Variants in PALM2AKAP2 observed in about 807,000 individuals in gnomAD.
PALM2AKAP2 encodes the protein PALM2-AKAP2 fusion protein.
Under a neutral mutation model 71.5 loss-of-function variants are expected in PALM2AKAP2, and 37 were observed. That is an observed-to-expected ratio of 0.52 (90% confidence interval 0.40 to 0.68). The LOEUF (loss-of-function observed/expected upper bound fraction) is 0.68. Ranked by LOEUF, PALM2AKAP2 falls within the 30% of genes least tolerant of loss-of-function variation. PALM2AKAP2 has a pLI of 0.00. For synonymous variants in PALM2AKAP2, 468 were observed against 478.8 expected (o/e 0.98, Z 0.29); for missense variants, 1,224 against 1,191.8 (o/e 1.03, Z -0.40).
At chr9:109,702,894 C>T (rs914545195) in intron 1 of PALM2AKAP2, among the ~76,000 whole-genome samples, 6 of 151,484 alleles carry the variant, frequency 4.0e-5, no homozygotes, top group East Asian at 3.9e-4. Context: ...TCTTGGTTCA[C>T]GGCAACCTCC....
intron 1 of PALM2AKAP2, among the ~76,000 whole-genome samples, chr9:109,821,665 A>G (rs996192225): frequency 1.3e-5 from 2 of 152,208 alleles, no homozygotes. Context: ...ATAGAACCCC[A>G]GCAAATTGAC....
At chr9:110,091,540 G>A (rs1197780573) in intron 1 of PALM2AKAP2, among the ~76,000 whole-genome samples, 2 of 137,180 alleles carry the variant, frequency 1.5e-5, no homozygotes, top group East Asian at 4.2e-4. Context: ...TCCGCTCACT[G>A]CAATCTCTAC....
At chr9:109,900,938 T>C (rs1185356426) in intron 3 of PALM2AKAP2, among the ~76,000 whole-genome samples, 2 of 152,212 alleles carry the variant, frequency 1.3e-5, no homozygotes, top group African/African-American at 4.8e-5. Flanking sequence ...AAGTAAAAGG[T>C]AAATCAAATT....
chr9:109,976,626 A>G (rs1832177313), intron 6 of PALM2AKAP2, among the ~76,000 whole-genome samples: 1 of 152,234 alleles, frequency 6.6e-6, no homozygotes, highest in Admixed American at 6.5e-5. Flanking sequence ...CCCTAGGCCC[A>G]TGTGTTGCCC....
chr9:110,151,883 G>A (rs559221127), intron 2 of PALM2AKAP2, among the ~76,000 whole-genome samples: 45 of 152,316 alleles, frequency 3.0e-4, no homozygotes, highest in Middle Eastern at 3.4e-3. Context: ...CCTGCCCTGA[G>A]GTCTACATGG....
chr9:110,103,372 C>G (rs1384404438), intron 1 of PALM2AKAP2, among the ~76,000 whole-genome samples: 3 of 152,214 alleles, frequency 2.0e-5, no homozygotes, highest in African/African-American at 4.8e-5. Context: ...CTCATAGTCA[C>G]TGCATAGCTT....
In PALM2AKAP2 at chr9:110,108,077, A is replaced by ATT. The variant is rs34788989; in HGVS notation, c.157-28039_157-28038dup. On this transcript the variant is annotated intron_variant, in intron 1 of 3. Coordinates refer to ENST00000374525, the Ensembl canonical transcript of PALM2AKAP2. ...GCATACATTAAGCTATTTTGCTGTT[A>ATT]TTTTTTTTTTTTGCTTTGTGCCTTT... Among the ~76,000 whole-genome samples the ATT allele has an allele frequency of 6.3e-3, 764 of 122,066 alleles. 11 individuals carry two copies. The highest frequency in any genetic ancestry group is 0.018 in the African/African-American group (622 of 33,806). 80.1% of individuals were successfully genotyped at this position (122,066 alleles called of 152,430 possible).
intron 3 of PALM2AKAP2, among the ~76,000 whole-genome samples, chr9:110,163,619 C>T (rs1005659322): frequency 1.3e-5 from 2 of 152,160 alleles, no homozygotes; most frequent in African/African-American, 4.8e-5. Context: ...TGAAGACATT[C>T]TATAAGCGGT....
At chr9:110,080,675 TTTTG>T (rs1173855670) in intron 1 of PALM2AKAP2, among the ~76,000 whole-genome samples, 4 of 152,158 alleles carry the variant, frequency 2.6e-5, no homozygotes, top group African/African-American at 7.2e-5. Flanking sequence ...TTTTTAGGTT[TTTTG>T]TTTGTTTGTT....
At chr9:110,067,221 AT>A (rs1486678640) in intron 1 of PALM2AKAP2, among the ~76,000 whole-genome samples, 1 of 152,182 alleles carries the variant, frequency 6.6e-6, no homozygotes, top group African/African-American at 2.4e-5. Context: ...TGATCTCTCA[AT>A]TAAGGACTTC....
intron 3 of PALM2AKAP2, among the ~76,000 whole-genome samples, chr9:109,895,132 T>C (rs949278426): frequency 1.3e-5 from 2 of 152,232 alleles, no homozygotes; most frequent in African/African-American, 4.8e-5. Context: ...AAAGCCACCA[T>C]TCTTTTCCTG....
intron 6 of PALM2AKAP2, among the ~76,000 whole-genome samples, chr9:110,006,939 A>G (rs181575014): frequency 6.6e-6 from 1 of 152,212 alleles, no homozygotes; most frequent in Admixed American, 6.5e-5. Flanking sequence ...CATTAACTCC[A>G]AGCCAGTTTT....
chr9:109,762,628 C>T (rs1039370217), intron 1 of PALM2AKAP2, among the ~76,000 whole-genome samples: 2 of 152,240 alleles, frequency 1.3e-5, no homozygotes, highest in South Asian at 4.2e-4. Context: ...GTCATTGCAA[C>T]CCAGGCCAAT....
chr9:109,844,100 A>T (rs921626033), intron 1 of PALM2AKAP2, among the ~76,000 whole-genome samples: 8 of 152,252 alleles, frequency 5.3e-5, no homozygotes, highest in Non-Finnish European at 1.2e-4. Context: ...TGGTTGCAGT[A>T]GCTAACTAAC....
At chr9:110,084,767 G>A (rs1328733224) in intron 1 of PALM2AKAP2, among the ~76,000 whole-genome samples, 3 of 151,422 alleles carry the variant, frequency 2.0e-5, no homozygotes, top group South Asian at 2.1e-4. Context: ...ACGGAGTCTC[G>A]CTCTGTTGCC....
At chr9:109,874,061 A>G (rs534578171) in intron 2 of PALM2AKAP2, among the ~76,000 whole-genome samples, 1 of 152,240 alleles carries the variant, frequency 6.6e-6, no homozygotes, top group Non-Finnish European at 1.5e-5. Context: ...GGGTTAGATG[A>G]TCTCTGTGAT....
At chr9:110,019,082 T>C (rs1265215523) in intron 7 of PALM2AKAP2, among the ~76,000 whole-genome samples, 2 of 151,594 alleles carry the variant, frequency 1.3e-5, no homozygotes, top group African/African-American at 2.4e-5. Flanking sequence ...CTACTAAAAA[T>C]ACAAAAATTA....
exon 4 of PALM2AKAP2, chr9:110,170,528 C>G (rs573147509): frequency 1.6e-4 from 25 of 152,302 alleles, no homozygotes; most frequent in African/African-American, 5.8e-4. Flanking sequence ...CAAGGGAGCT[C>G]TAACTTGAAG....
chr9:109,696,729 C>T (rs938766480), intron 1 of PALM2AKAP2, among the ~76,000 whole-genome samples: 4 of 152,118 alleles, frequency 2.6e-5, no homozygotes, highest in African/African-American at 9.7e-5. Context: ...GCATCTGTCT[C>T]CCGCCACTGT....
Sources: allele counts gnomAD v4.1 joint callset (sites outside exome capture counted in the v4.1 genomes callset), GRCh38; gene constraint gnomAD v4.1.1; transcripts MANE v1.5; gene names NCBI Gene and HGNC (gene_info 2026-07-23, HGNC 2026-07-21).